RBM47: variants seen among roughly 807,000 people sequenced by gnomAD.
RBM47 encodes RNA-binding protein 47.
A neutral mutation model predicts 47.1 loss-of-function variants in RBM47; 21 were observed. That is an observed-to-expected ratio of 0.45 (90% CI 0.32 to 0.64). The LOEUF (loss-of-function observed/expected upper bound fraction) is 0.64. RBM47 is among the 30% of genes least tolerant of loss of function. RBM47 has a pLI of 0.05. For synonymous variants in RBM47, 375 were observed against 361.7 expected, an observed-to-expected ratio of 1.04 and a Z score of -0.42; for missense variants, 708 against 870.9, an observed-to-expected ratio of 0.81 and a Z score of 2.35.
intron 1 of RBM47, among the ~76,000 whole-genome samples, chr4:40,553,379 C>A (rs1010814582): frequency 9.9e-5 from 15 of 152,030 alleles, no homozygotes; most frequent in African/African-American, 3.6e-4. Flanking sequence ...CTCACTCCAA[C>A]CTCAGCCTCC....
intron 2 of RBM47, among the ~76,000 whole-genome samples, chr4:40,469,626 CA>C (rs1338147398): frequency 6.7e-6 from 1 of 150,162 alleles, no homozygotes; most frequent in Non-Finnish European, 1.5e-5. Flanking sequence ...GCCAGCAGAT[CA>C]AATGAAATAG....
chr4:40,431,644 C>CG (rs1224975557), intron 6 of RBM47, among the ~76,000 whole-genome samples: 1 of 118,314 alleles, frequency 8.5e-6, no homozygotes, highest in Non-Finnish European at 1.7e-5. Context: ...GGCGACAGAG[C>CG]GAGACTCCGT....
chr4:40,580,802 A>G (rs1732822298), intron 1 of RBM47, among the ~76,000 whole-genome samples: 1 of 152,230 alleles, frequency 6.6e-6, no homozygotes, highest in South Asian at 2.1e-4. Flanking sequence ...GTTGTGAGGT[A>G]AATAAAGCAG....
Position 40,456,883 on chromosome 4 carries a change from G to A in RBM47, c.-32+9694C>T, listed in dbSNP as rs192049498. On this transcript the variant is annotated intron_variant, in intron 3 of 6. Coordinates refer to ENST00000295971, the MANE Select transcript of RBM47 (RefSeq NM_001098634.2). Reference sequence around the variant, plus strand: ...CAAAGTGCTGGGATTAAAGGCGTGAGCCAACACGCCCGGCCAGCCTCATTT... The same window carrying A: ...CAAAGTGCTGGGATTAAAGGCGTGAACCAACACGCCCGGCCAGCCTCATTT... 4.2e-3 allele frequency among the ~76,000 whole-genome samples: 641 copies of A among 152,188 alleles called. 8 individuals carry two copies. Among genetic ancestry groups the A allele is most frequent in the African/African-American group, 0.015 (613 of 41,538 alleles).
In RBM47 at chr4:40,436,655, TAAC is replaced by T. The variant is rs1296431994; in HGVS notation, c.1124-11_1124-9del. Reference sequence around the variant, plus strand: ...GGCCTCTTATGCTGCCTGCTTGTAATAACAACACAAAAGATGATCAGCAACCAA... The same window carrying T: ...GGCCTCTTATGCTGCCTGCTTGTAATAACACAAAAGATGATCAGCAACCAA... On this transcript the variant is annotated splice_polypyrimidine_tract_variant and intron_variant, in intron 4 of 6. Coordinates refer to ENST00000295971, the MANE Select transcript of RBM47 (RefSeq NM_001098634.2). 2.5e-6 allele frequency: 4 copies of T among 1,613,130 alleles called. No homozygotes were observed. The African/African-American group carries it at 5.3e-5, about 22-fold the overall frequency.
chr4:40,599,040 A>G (rs1735006766), intron 1 of RBM47, among the ~76,000 whole-genome samples: 1 of 152,048 alleles, frequency 6.6e-6, no homozygotes, highest in Non-Finnish European at 1.5e-5. Context: ...AGATCACTTG[A>G]GGTCAGGAGT....
intron 1 of RBM47, among the ~76,000 whole-genome samples, chr4:40,561,544 C>CTTTTCTTTTTTT (rs1560470026): frequency 8.0e-6 from 1 of 124,576 alleles, no homozygotes; most frequent in African/African-American, 3.4e-5. Flanking sequence ...TTCTTCTTTT[C>CTTTTCTTTTTTT]TTTTTTTTTT....
intron 4 of RBM47, among the ~76,000 whole-genome samples, chr4:40,437,100 TATATATATATAAAATAC>T (rs1265653412): frequency 2.8e-5 from 2 of 70,434 alleles, no homozygotes; most frequent in African/African-American, 8.4e-5. Flanking sequence ...AATATATATA[TATATATATATAAAATAC>T]ATATATATAT....
chr4:40,466,858 CATT>C, intron 2 of RBM47, among the ~76,000 whole-genome samples, 159 bp from the exon 3 acceptor site: 1 of 148,906 alleles, frequency 6.7e-6, no homozygotes, highest in East Asian at 2.0e-4. Flanking sequence ...AATGAAATAC[CATT>C]ACTCTAATTA....
At chr4:40,456,552 T>A (rs1716267999) in intron 3 of RBM47, among the ~76,000 whole-genome samples, 2 of 145,218 alleles carry the variant, frequency 1.4e-5, no homozygotes, top group Admixed American at 7.4e-5. Flanking sequence ...TTTTCTTTTT[T>A]TTTTTTCTTT....
chr4:40,481,162 T>A (rs1720326384), intron 2 of RBM47, among the ~76,000 whole-genome samples: 1 of 152,158 alleles, frequency 6.6e-6, no homozygotes, highest in Admixed American at 6.6e-5. Flanking sequence ...ATTTATCAAG[T>A]ACTATGCTCT....
At chr4:40,595,981 A>C (rs1734719288) in intron 1 of RBM47, among the ~76,000 whole-genome samples, 1 of 152,076 alleles carries the variant, frequency 6.6e-6, no homozygotes, top group African/African-American at 2.4e-5. Flanking sequence ...ATCTGCAGCC[A>C]GTGTGGACGC....
chr4:40,439,787 A>T (rs925151206), intron 3 of RBM47, among the ~76,000 whole-genome samples: 2 of 152,210 alleles, frequency 1.3e-5, no homozygotes, highest in Non-Finnish European at 2.9e-5. Flanking sequence ...AAACTGCCCC[A>T]TTTCACACAG....
intron 2 of RBM47, chr4:40,542,819 G>A (rs1039863517): frequency 6.6e-6 from 1 of 151,938 alleles, no homozygotes; most frequent in Non-Finnish European, 1.5e-5. Flanking sequence ...TTGCAGGCGT[G>A]AGCCACTCTG....
chr4:40,498,786 T>G lies in RBM47; in HGVS notation c.-154-32087A>C, dbSNP rs116423227. On this transcript the variant is annotated intron_variant, in intron 2 of 6. Coordinates refer to ENST00000295971, the MANE Select transcript of RBM47 (RefSeq NM_001098634.2). ...ACATAGCGTCTGAAAATACAAGTTT[T>G]CACTTCTAACACAATGTATAAATGT... Among the ~76,000 whole-genome samples the G allele has an allele frequency of 2.8e-3, 428 of 152,272 alleles. 1 individual carries two copies. The highest frequency in any genetic ancestry group is 9.8e-3 in the African/African-American group (408 of 41,538).
chr4:40,463,749 G>C (rs754701405), intron 3 of RBM47, among the ~76,000 whole-genome samples: 13 of 151,112 alleles, frequency 8.6e-5, no homozygotes, highest in African/African-American at 1.2e-4. Flanking sequence ...TGCAGTTTTT[G>C]TCGTTACATT....
rs201921796 is a variant in RBM47 at position 40,434,703 on chromosome 4, C to CAA, written c.1330+1736_1330+1737dup. On this transcript the variant is annotated intron_variant, in intron 5 of 6. Transcript: ENST00000295971. ...AGAAATTGCAGAATTTTTACACAGG[C>CAA]AAAAAAAAAAAAAAAAAAAAAAAAA... 4.6e-3 allele frequency among the ~76,000 whole-genome samples: 472 copies of CAA among 103,652 alleles called. 11 individuals are homozygous for CAA. The highest frequency in any genetic ancestry group is 0.017 in the African/African-American group (456 of 27,340). 68.0% of individuals were successfully genotyped at this position (103,652 alleles called of 152,430 possible). A position where few individuals can be genotyped will look rare whatever the true frequency, so the allele number is the denominator to read the frequency against.
chr4:40,451,019 A>C (rs1715341810), intron 3 of RBM47, among the ~76,000 whole-genome samples: 2 of 152,064 alleles, frequency 1.3e-5, no homozygotes, highest in African/African-American at 4.8e-5. Context: ...CCCTCCCTCA[A>C]CATGGGCCTG....
At chr4:40,554,079 C>T (rs531717402) in intron 1 of RBM47, among the ~76,000 whole-genome samples, 1 of 151,024 alleles carries the variant, frequency 6.6e-6, no homozygotes, top group Non-Finnish European at 1.5e-5. Flanking sequence ...TATTCATCTC[C>T]GCAACCCCAG....
Sources: allele counts gnomAD v4.1 joint callset (sites outside exome capture counted in the v4.1 genomes callset), GRCh38; gene constraint gnomAD v4.1.1; transcripts MANE v1.5; gene names NCBI Gene and HGNC (gene_info 2026-07-23, HGNC 2026-07-21).